Variants in CPNE4 observed in about 807,000 individuals in gnomAD.
The protein encoded by CPNE4 is copine-4.
A neutral mutation model predicts 67.9 loss-of-function variants in CPNE4; 25 were observed. The ratio of observed to expected loss-of-function variants is 0.37; its 90% CI spans 0.27 to 0.51. CPNE4 has a LOEUF of 0.51. Among genes scored for constraint, CPNE4 ranks in the 20% least tolerant of loss-of-function variants. CPNE4 has a pLI of 0.93. For synonymous variants in CPNE4, 242 were observed against 244.9 expected, an observed-to-expected ratio of 0.99 and a Z score of 0.11; for missense variants, 464 against 690.8, an observed-to-expected ratio of 0.67 and a Z score of 3.68.
intron 1 of CPNE4, among the ~76,000 whole-genome samples, chr3:131,933,864 A>G (rs1282495065): frequency 6.6e-6 from 1 of 152,152 alleles, no homozygotes; most frequent in Non-Finnish European, 1.5e-5. Flanking sequence ...GCAGAAAGTA[A>G]AACTGTGGTT....
intron 2 of CPNE4, among the ~76,000 whole-genome samples, chr3:131,817,399 T>C (rs1389220204): frequency 6.6e-6 from 1 of 152,168 alleles, no homozygotes; most frequent in Admixed American, 6.5e-5. Context: ...ATATCTGTTA[T>C]ATTCAAGAAA....
intron 1 of CPNE4, among the ~76,000 whole-genome samples, chr3:131,926,105 A>G (rs2070885815): frequency 6.6e-6 from 1 of 152,214 alleles, no homozygotes; most frequent in African/African-American, 2.4e-5. Context: ...ATGGCCAACT[A>G]GCATGAGCTG....
chr3:131,533,812 C>T lies in CPNE4; in HGVS notation c.*1383G>A, dbSNP rs1935002855. On this transcript the variant is annotated 3_prime_UTR_variant, in exon 16 of 16. Coordinates refer to ENST00000429747, the MANE Select transcript of CPNE4 (RefSeq NM_130808.3). ...TGATTTACTTCTTCATCTCTCTGAC[C>T]AAAAATAAACTCCACTTTGTGCCTT... 1 of 152,112 alleles carries T rather than the reference C, an allele frequency of 6.6e-6. No homozygotes were observed. Among genetic ancestry groups the T allele is most frequent in the South Asian group, 2.1e-4 (1 of 4,826 alleles). The allele number at this position is 152,112 out of a possible 1,614,324, so 9.4% of individuals were successfully genotyped here. A position where few individuals can be genotyped will look rare whatever the true frequency, so the allele number is the denominator to read the frequency against.
At position 131,921,631 on chromosome 3, in the gene CPNE4, A is replaced by G. The variant is rs548024287; in HGVS notation, c.-1-16187T>C. ...CTAACCATAATGATAGGCAAGGTGT[A>G]CTTTGGTTTCCTCATCTGCAGAATA... On this transcript the variant is annotated intron_variant, in intron 1 of 15. Transcript: ENST00000429747. 7.3e-4 allele frequency among the ~76,000 whole-genome samples: 111 copies of G among 152,330 alleles called. 1 individual carries two copies. Among genetic ancestry groups the G allele is most frequent in the African/African-American group, 2.5e-3 (106 of 41,594 alleles).
At chr3:131,913,592 C>A (rs1583446328) in intron 1 of CPNE4, among the ~76,000 whole-genome samples, 1 of 152,280 alleles carries the variant, frequency 6.6e-6, no homozygotes, top group South Asian at 2.1e-4. Context: ...TATCAAGTTG[C>A]CTGCTTGGCC....
Position 131,696,237 on chromosome 3 carries a change from T to C in CPNE4, c.507+305A>G, listed in dbSNP as rs561595322. 1.3e-4 allele frequency among the ~76,000 whole-genome samples: 20 copies of C among 152,316 alleles called. 2 individuals are homozygous for C. In the South Asian group the frequency reaches 4.1e-3, roughly 32 times the overall value. On this transcript the variant is annotated intron_variant, in intron 5 of 15. Coordinates refer to ENST00000429747, the MANE Select transcript of CPNE4 (RefSeq NM_130808.3). ...TGTCATTTTTCTTCCCTTTCATATC[T>C]TCTCCTCTCCCTTAGAATGTCCCTA...
chr3:131,760,269 G>T (rs1214698798), intron 2 of CPNE4, among the ~76,000 whole-genome samples: 1 of 152,130 alleles, frequency 6.6e-6, no homozygotes, highest in African/African-American at 2.4e-5. Context: ...CATTTCTTGA[G>T]ACTTTATATG....
intron 2 of CPNE4, among the ~76,000 whole-genome samples, chr3:131,898,717 C>T (rs1174274816): frequency 3.3e-5 from 5 of 152,094 alleles, no homozygotes; most frequent in East Asian, 1.9e-4. Context: ...GTCACAGGCA[C>T]ATGACCCCAG....
At chr3:132,015,239 T>C (rs2107681951) in intron 1 of CPNE4, among the ~76,000 whole-genome samples, 1 of 152,168 alleles carries the variant, frequency 6.6e-6, no homozygotes, top group African/African-American at 2.4e-5. Context: ...TTATTGCACA[T>C]CTCTGGGCTT....
At chr3:131,944,420 C>T (rs375382413) in intron 1 of CPNE4, among the ~76,000 whole-genome samples, 5 of 152,094 alleles carry the variant, frequency 3.3e-5, no homozygotes, top group Middle Eastern at 3.4e-3. Context: ...GCAGGTGCTG[C>T]GTGACTGTAA....
intron 2 of CPNE4, among the ~76,000 whole-genome samples, chr3:131,813,556 C>A (rs536264643): frequency 6.6e-6 from 1 of 151,342 alleles, no homozygotes; most frequent in Non-Finnish European, 1.5e-5. Flanking sequence ...TACATACACA[C>A]ATTTAAAATA....
intron 2 of CPNE4, among the ~76,000 whole-genome samples, chr3:131,806,772 T>C (rs2084331792): frequency 1.3e-5 from 2 of 152,162 alleles, no homozygotes; most frequent in Non-Finnish European, 2.9e-5. Context: ...TCACTCCATG[T>C]CCCTTGCCTC....
chr3:131,903,493 G>C (rs1283460582), intron 2 of CPNE4, among the ~76,000 whole-genome samples: 1 of 151,950 alleles, frequency 6.6e-6, no homozygotes, highest in African/African-American at 2.4e-5. Context: ...CCTAGCTGCG[G>C]AATTCAACCT....
intron 7 of CPNE4, among the ~76,000 whole-genome samples, chr3:131,642,405 A>T (rs1306683276): frequency 6.6e-6 from 1 of 152,150 alleles, no homozygotes; most frequent in East Asian, 1.9e-4. Context: ...CCCTAAGAAC[A>T]CTTCTGCTAA....
At chr3:131,581,158 G>A (rs1464586502) in intron 9 of CPNE4, among the ~76,000 whole-genome samples, 1 of 152,188 alleles carries the variant, frequency 6.6e-6, no homozygotes, top group Non-Finnish European at 1.5e-5. Flanking sequence ...GGGTGACAGA[G>A]CAAAACTCTG....
intron 1 of CPNE4, among the ~76,000 whole-genome samples, chr3:131,949,885 C>T (rs1464734923): frequency 6.6e-6 from 1 of 152,008 alleles, no homozygotes; most frequent in Non-Finnish European, 1.5e-5. Context: ...GAGGGTACTC[C>T]CTTGGATGAA....
intron 1 of CPNE4, among the ~76,000 whole-genome samples, chr3:131,932,914 G>A (rs1041118352): frequency 2.0e-5 from 3 of 152,064 alleles, no homozygotes; most frequent in Admixed American, 6.6e-5. Context: ...CCACCTACTC[G>A]GGAGGCTGAG....
chr3:131,747,310 T>C (rs1459502523), intron 2 of CPNE4, among the ~76,000 whole-genome samples: 1 of 152,082 alleles, frequency 6.6e-6, no homozygotes, highest in Non-Finnish European at 1.5e-5. Flanking sequence ...ATCTTTGCTT[T>C]TGTTGTCTGT....
At chr3:131,864,145 C>T (rs1278193734) in intron 2 of CPNE4, among the ~76,000 whole-genome samples, 2 of 151,394 alleles carry the variant, frequency 1.3e-5, no homozygotes, top group Non-Finnish European at 3.0e-5. Flanking sequence ...AGCGTGATGC[C>T]TCCAGCTTTG....
Sources: allele counts gnomAD v4.1 joint callset (sites outside exome capture counted in the v4.1 genomes callset), GRCh38; gene constraint gnomAD v4.1.1; transcripts MANE v1.5; gene names NCBI Gene and HGNC (gene_info 2026-07-23, HGNC 2026-07-21).